Variants in BRD1 observed in about 807,000 individuals in gnomAD.
The protein encoded by BRD1 is bromodomain-containing protein 1.
In BRD1, 24 loss-of-function variants were observed where a neutral mutation model predicts 107.7. The observed-to-expected ratio is 0.22, with a 90% CI of 0.16 to 0.31. BRD1 has a LOEUF of 0.31. Ranked by LOEUF, BRD1 falls within the 10% of genes least tolerant of loss-of-function variation. The probability of loss-of-function intolerance (pLI) is 1.00; values close to 1 mark genes in which losing one functional copy is unlikely to be tolerated. For synonymous variants in BRD1, 744 were observed against 686.1 expected (o/e 1.08, Z -1.32); for missense variants, 1,279 against 1,638.6 (o/e 0.78, Z 3.79).
chr22:49,818,200 A>C, intron 2 of BRD1: 1 of 1,118,928 alleles, frequency 8.9e-7, no homozygotes, highest in Non-Finnish European at 1.1e-6. Context: ...AGGTAGGAGG[A>C]GCACCCATCA....
chr22:49,825,041 G>C (rs560715893), intron 1 of BRD1, among the ~76,000 whole-genome samples: 1 of 152,030 alleles, frequency 6.6e-6, no homozygotes, highest in Admixed American at 6.6e-5. Context: ...CCCCAACCCC[G>C]CTTCTGCAGA....
In BRD1 at chr22:49,798,640, G is replaced by A. The variant is rs758875508; in HGVS notation, c.1703C>T (p.Thr568Met). 6.2e-6 allele frequency: 10 copies of A among 1,612,944 alleles called. No individual in the cohort carries two copies. Among genetic ancestry groups the A allele is most frequent in the African/African-American group, 2.7e-5 (2 of 74,892 alleles). Residue 568 changes from threonine (T) to methionine (M), a missense_variant, in exon 5 of 13, where the codon ACG (threonine) becomes ATG (methionine). Transcript: ENST00000404760. ...GTCCAGCACTGAGCGCAGCAGCACC[G>A]TCAGCGGGGTCAGCCGCAGCTCCAT... Reference protein sequence around the residue: ...VAMELRLTPLTVLLRSVLDQL... With the variant: ...VAMELRLTPLMVLLRSVLDQL...
intron 3 of BRD1, among the ~76,000 whole-genome samples, chr22:49,800,520 G>T (rs978170401): frequency 6.6e-6 from 1 of 152,164 alleles, no homozygotes; most frequent in Non-Finnish European, 1.5e-5. Flanking sequence ...CGGCCAAAAG[G>T]ACATTTGGCC....
chr22:49,795,365 G>A (rs1816028516), intron 6 of BRD1, among the ~76,000 whole-genome samples: 1 of 152,142 alleles, frequency 6.6e-6, no homozygotes, highest in Non-Finnish European at 1.5e-5. Context: ...CATGGCCACT[G>A]GCTCACCTGT....
In BRD1 at chr22:49,823,430, C is replaced by T. The variant is rs147807626; in HGVS notation, c.888G>A (p.Leu296=). 3.0e-5 allele frequency: 49 copies of T among 1,612,160 alleles called. No individual in the cohort carries two copies. In the Middle Eastern group the frequency reaches 8.2e-4, roughly 27 times the overall value. Residue 296 remains leucine, a synonymous_variant, in exon 2 of 13, where the codon CTG becomes CTA. Transcript: ENST00000404760. ...TGGCAAAGCCGACCTCTGGGATCCA[C>T]AGGGCACACACCACGTGACCCCAGC... The part of the protein sequence containing the change: ...DDRWGHVVCA[L]WIPEVGFANT...
At chr22:49,826,539 C>T (rs114538594) in intron 1 of BRD1, among the ~76,000 whole-genome samples, 1,830 of 152,346 alleles carry the variant, frequency 0.012, 38 homozygotes, top group African/African-American at 0.041. Flanking sequence ...CTGCGGGCCA[C>T]AGGCGGGGAA....
rs1601703356 is a variant in BRD1, at chr22:49,808,339, G to T, written c.1368-3979C>A. On this transcript the variant is annotated intron_variant, in intron 2 of 12. Transcript: ENST00000404760. ...ATCTCCACATACAGAGGGTTATTCA[G>T]CCTTAAAAGGCAAGGAAGTTCCAAT... is the stretch of plus-strand genomic sequence containing the variant. Among the ~76,000 whole-genome samples the T allele has an allele frequency of 2.0e-5, 3 of 152,250 alleles. No homozygotes were observed. The South Asian group carries it at 6.2e-4, about 31-fold the overall frequency.
In BRD1 at chr22:49,792,460, G is replaced by T. The variant is rs547329857; in HGVS notation, c.2359+1574C>A. ...GGCACAATGGGGCGGCCCAGGGCCC[G>T]GACAGGTATGGCTGCCAGAGGGTCC... On this transcript the variant is annotated intron_variant, in intron 7 of 12. Transcript: ENST00000404760. The surrounding 1 kb of genome is among the most constrained non-coding windows in gnomAD (Gnocchi z 4.2). Among the ~76,000 whole-genome samples, 1 of 152,298 alleles carries T rather than the reference G, an allele frequency of 6.6e-6. No homozygotes were observed. Among genetic ancestry groups the T allele is most frequent in the Non-Finnish European group, 1.5e-5 (1 of 68,022 alleles).
rs2059357337 is a variant in BRD1 at position 49,787,658 on chromosome 22, C to CGGCA, written c.2585_2588dup (p.Ala865GlyfsTer38). Reference sequence around the variant, plus strand: ...CCGCCACCGCGGAGGCCGCCGCCGCCGGCACATCGCCACTACTGGCGCGGG... The same window carrying CGGCA: ...CCGCCACCGCGGAGGCCGCCGCCGCCGGCAGGCACATCGCCACTACTGGCGCGGG... On this transcript the variant is annotated frameshift_variant, in exon 8 of 13. Coordinates refer to ENST00000404760, the MANE Select transcript of BRD1 (RefSeq NM_001304808.3). LOFTEE classifies it high-confidence loss of function. The CGGCA allele has an allele frequency of 1.9e-6, 3 of 1,550,618 alleles. No homozygotes were observed. In the East Asian group the frequency reaches 7.3e-5, roughly 38 times the overall value.
chr22:49,823,862 G>A lies in BRD1; in HGVS notation c.456C>T (p.Asn152=), dbSNP rs142139061. Residue 152 remains asparagine, a synonymous_variant, in exon 2 of 13, where the codon AAC becomes AAT. Coordinates refer to ENST00000404760, the MANE Select transcript of BRD1 (RefSeq NM_001304808.3). ...CCTCGTCCATGTCATACTCCACCTCGTTGTCCAGTTCCTCGGCCGACTTCT... is the reference window on the plus strand; with the variant it reads ...CCTCGTCCATGTCATACTCCACCTCATTGTCCAGTTCCTCGGCCGACTTCT... ...FIEKSAEELD[N]EVEYDMDEED... 50 of 1,614,036 alleles carry A rather than the reference G, an allele frequency of 3.1e-5. No homozygotes were observed. Among genetic ancestry groups the A allele is most frequent in the Non-Finnish European group, 3.4e-5 (40 of 1,180,048 alleles).
chr22:49,819,338 T>C (rs1196679764), intron 2 of BRD1, among the ~76,000 whole-genome samples: 1 of 151,948 alleles, frequency 6.6e-6, no homozygotes, highest in African/African-American at 2.4e-5. Context: ...ACGCCTGTAA[T>C]CTCAGCACTT....
chr22:49,794,130 G>A lies in BRD1; in HGVS notation c.2263C>T (p.Leu755=), dbSNP rs1295610089. ...KKEIALLRNK[L]SQQHSQPLPT... is the part of the protein sequence containing the mutation. ...AGGGGCTGGCTGTGCTGCTGGCTCA[G>A]CTTGTTTCGGAGAAGGGCAATTTCC... The change falls in exon 7 of 13, where the codon CTG becomes TTG. Residue 755 remains leucine, a synonymous_variant. Transcript: ENST00000404760. The A allele has an allele frequency of 6.2e-7, 1 of 1,614,262 alleles. No individual in the cohort carries two copies.
At chr22:49,820,642 T>C (rs2060048170) in intron 2 of BRD1, among the ~76,000 whole-genome samples, 1 of 152,186 alleles carries the variant, frequency 6.6e-6, no homozygotes, top group Non-Finnish European at 1.5e-5. Context: ...TTCACCCTCA[T>C]CTACACAGAA....
chr22:49,816,876 A>G (rs1466861717), intron 2 of BRD1, among the ~76,000 whole-genome samples: 3 of 152,228 alleles, frequency 2.0e-5, no homozygotes, highest in Non-Finnish European at 4.4e-5. Flanking sequence ...GCGGGGGCCA[A>G]GGCCCGCCAC....
At chr22:49,791,739 C>T (rs2059438855) in intron 7 of BRD1, among the ~76,000 whole-genome samples, 1 of 151,816 alleles carries the variant, frequency 6.6e-6, no homozygotes, top group African/African-American at 2.4e-5. Context: ...CCCCACCTCT[C>T]CAGAGACCCC....
chr22:49,797,057 C>CTTTGACA (rs765119415), intron 6 of BRD1, among the ~76,000 whole-genome samples: 1 of 152,250 alleles, frequency 6.6e-6, no homozygotes, highest in Non-Finnish European at 1.5e-5. Flanking sequence ...GCTCTATGTG[C>CTTTGACA]TTTGACAACC....
chr22:49,824,025 T>C lies in BRD1; in HGVS notation c.293A>G (p.Lys98Arg). ...RTKRHKNNRV[K>R]KKNEALPSAH... is the part of the protein sequence containing the mutation. ...GCTGGGGAGGGCCTCGTTTTTCTTT[T>C]TGACTCTGTTGTTTTTGTGACGCTT... Residue 98 changes from lysine to arginine, a missense_variant, in exon 2 of 13, where the codon AAA (lysine) becomes AGA (arginine). Around this residue, in one of 7 missense-constraint regions of BRD1, gnomAD observed 223 missense variants for 263.5 expected, o/e 0.85. Coordinates refer to ENST00000404760, the MANE Select transcript of BRD1 (RefSeq NM_001304808.3). The surrounding 1 kb of genome is among the most constrained non-coding windows in gnomAD (Gnocchi z 5.9). 6.2e-7 allele frequency: 1 copy of C among 1,613,892 alleles called. No individual in the cohort carries two copies. The highest frequency in any genetic ancestry group is 8.5e-7 in the Non-Finnish European group (1 of 1,180,040).
At chr22:49,827,120 C>T (rs2087642218) in intron 1 of BRD1, among the ~76,000 whole-genome samples, 1 of 151,242 alleles carries the variant, frequency 6.6e-6, no homozygotes, top group African/African-American at 2.4e-5. Flanking sequence ...CCGGCCGGCT[C>T]GGCGGCTGCC....
rs766547660 is a variant in BRD1 at position 49,824,266 on chromosome 22, A to T, written c.52T>A (p.Ser18Thr). 6.2e-7 allele frequency: 1 copy of T among 1,613,936 alleles called. No homozygotes were observed. Among genetic ancestry groups the T allele is most frequent in the Admixed American group, 1.7e-5 (1 of 60,008 alleles). The change falls in exon 2 of 13, where the codon TCC (serine) becomes ACC (threonine). Residue 18 changes from serine (S) to threonine (T), a missense_variant. This residue lies in a region of BRD1 where 223 missense variants were observed against 263.5 expected (regional missense o/e 0.85). Coordinates refer to ENST00000404760, the MANE Select transcript of BRD1 (RefSeq NM_001304808.3). This position sits in a 1 kb window ranked among gnomAD's most constrained non-coding sequence, Gnocchi z 5.9. ...GGGGAGTGTTTAACACTGCATGGGG[A>T]AGAAGGATGCCTCGCTGCAGAGCCT... ...HRGSAARHPS[S>T]PCSVKHSPTR...
Sources: gnomAD v4.1 joint callset for allele counts (sites outside exome capture counted in the v4.1 genomes callset) on GRCh38, gnomAD v4.1.1 for gene constraint, gnomAD v4.1.1 regional missense constraint, Gnocchi (gnomAD v3.1) non-coding constraint, MANE v1.5 for transcripts, NCBI Gene and HGNC (gene_info 2026-07-23, HGNC 2026-07-21) for gene names.